Variants in GSTCD observed in about 807,000 individuals in gnomAD.
GSTCD encodes glutathione S-transferase C-terminal domain-containing protein.
Under a neutral mutation model 68.3 loss-of-function variants are expected in GSTCD, and 44 were observed. The ratio of observed to expected loss-of-function variants is 0.64; its 90% CI spans 0.51 to 0.83. The LOEUF is 0.83. Ranked by LOEUF, GSTCD falls within the 40% of genes least tolerant of loss-of-function variation. The pLI is 0.00. For missense variants in GSTCD, 739 were observed against 735.9 expected, an observed-to-expected ratio of 1.00 and a Z score of -0.05; for synonymous variants, 273 against 255.2, an observed-to-expected ratio of 1.07 and a Z score of -0.67.
intron 5 of GSTCD, among the ~76,000 whole-genome samples, chr4:105,801,961 CTT>C (rs954076733): frequency 6.6e-6 from 1 of 151,980 alleles, no homozygotes; most frequent in Admixed American, 6.6e-5. Flanking sequence ...AGCTGTGTGA[CTT>C]GGGCAAATTT....
At chr4:105,769,812 A>G (rs1466831811) in intron 5 of GSTCD, among the ~76,000 whole-genome samples, 2 of 152,086 alleles carry the variant, frequency 1.3e-5, no homozygotes, top group African/African-American at 2.4e-5. Context: ...CTGGAATGCA[A>G]TGGCACATTT....
chr4:105,770,380 TTTA>T (rs1734797755), intron 5 of GSTCD, among the ~76,000 whole-genome samples: 1 of 152,080 alleles, frequency 6.6e-6, no homozygotes, highest in African/African-American at 2.4e-5. Context: ...TCCTTTTTTT[TTTA>T]TTATTATACT....
intron 5 of GSTCD, among the ~76,000 whole-genome samples, chr4:105,774,483 T>A (rs1173497086): frequency 6.6e-6 from 1 of 152,240 alleles, no homozygotes; most frequent in Non-Finnish European, 1.5e-5. Context: ...TTGCAGTTGC[T>A]GGTACTGGTT....
chr4:105,719,646 T>C (rs1732800606), intron 3 of GSTCD, 119 bp downstream of exon 3: 2 of 696,374 alleles, frequency 2.9e-6, no homozygotes, highest in Non-Finnish European at 4.9e-6. Context: ...TATTAATATC[T>C]TTCTCCATTT....
intron 5 of GSTCD, among the ~76,000 whole-genome samples, chr4:105,756,929 T>C (rs1161339067): frequency 6.6e-6 from 1 of 152,214 alleles, no homozygotes; most frequent in Non-Finnish European, 1.5e-5. Context: ...TTCATAATTA[T>C]GTCACAGTCA....
intron 1 of GSTCD, among the ~76,000 whole-genome samples, chr4:105,714,847 G>A (rs954920351): frequency 5.9e-5 from 9 of 152,086 alleles, no homozygotes; most frequent in African/African-American, 2.2e-4. Context: ...CTAACAGTGA[G>A]AAGAGTTTAT....
At chr4:105,829,181 T>A in intron 8 of GSTCD, among the ~76,000 whole-genome samples, 1 of 138,966 alleles carries the variant, frequency 7.2e-6, no homozygotes. Context: ...ATACTACAGC[T>A]ATAATTAAAA....
chr4:105,762,199 G>A (rs1734436646), intron 5 of GSTCD, among the ~76,000 whole-genome samples: 1 of 152,118 alleles, frequency 6.6e-6, no homozygotes, highest in African/African-American at 2.4e-5. Flanking sequence ...CGTATGGTGG[G>A]CACCCTAACT....
chr4:105,738,218 TG>T (rs1357510354), intron 5 of GSTCD, among the ~76,000 whole-genome samples: 3 of 152,232 alleles, frequency 2.0e-5, no homozygotes, highest in Non-Finnish European at 4.4e-5. Flanking sequence ...GATTCATTTC[TG>T]GGTTCTCTTT....
intron 5 of GSTCD, among the ~76,000 whole-genome samples, chr4:105,803,662 T>A (rs1736191784): frequency 6.6e-6 from 1 of 151,694 alleles, no homozygotes; most frequent in Non-Finnish European, 1.5e-5. Context: ...AATGGACAAA[T>A]TATATCATAG....
chr4:105,758,408 G>A (rs1734275443), intron 5 of GSTCD, among the ~76,000 whole-genome samples: 1 of 152,194 alleles, frequency 6.6e-6, no homozygotes, highest in Non-Finnish European at 1.5e-5. Context: ...TCTTGGTGCT[G>A]TCTTCACACT....
At chr4:105,710,232 A>ATTTTTT (rs761574598) in intron 1 of GSTCD, among the ~76,000 whole-genome samples, 2,291 of 85,640 alleles carry the variant, frequency 0.027, 326 homozygotes, top group African/African-American at 0.068. Context: ...GGGCCCATCA[A>ATTTTTT]TTTTTTTTTT....
intron 5 of GSTCD, among the ~76,000 whole-genome samples, chr4:105,785,019 G>A (rs573634012): frequency 6.6e-6 from 1 of 152,172 alleles, no homozygotes; most frequent in South Asian, 2.1e-4. Flanking sequence ...ACTGCTTTTA[G>A]GCCTTCTCAG....
At chr4:105,711,773 C>T (rs1480070611) in intron 1 of GSTCD, among the ~76,000 whole-genome samples, 2 of 152,156 alleles carry the variant, frequency 1.3e-5, no homozygotes, top group African/African-American at 4.8e-5. Flanking sequence ...ACAGTCTCGG[C>T]TCTAATCTAT....
At chr4:105,824,327 G>A (rs1311071029) in intron 7 of GSTCD, among the ~76,000 whole-genome samples, 7 of 152,160 alleles carry the variant, frequency 4.6e-5, no homozygotes, top group Non-Finnish European at 7.3e-5. Flanking sequence ...TTGTGATTGA[G>A]TAGGAGGAAG....
intron 8 of GSTCD, among the ~76,000 whole-genome samples, chr4:105,828,956 G>A (rs1723781947): frequency 6.6e-6 from 1 of 152,096 alleles, no homozygotes; most frequent in Non-Finnish European, 1.5e-5. Context: ...GAGGCACCAA[G>A]TATAGAGATA....
intron 5 of GSTCD, among the ~76,000 whole-genome samples, chr4:105,776,865 G>A (rs1246927080): frequency 6.6e-6 from 1 of 152,120 alleles, no homozygotes; most frequent in Non-Finnish European, 1.5e-5. Flanking sequence ...CCAGGATAAG[G>A]AAATTGTGTT....
intron 5 of GSTCD, chr4:105,753,231 TTAAG>T (rs748291181): frequency 2.6e-5 from 4 of 152,032 alleles, no homozygotes; most frequent in Non-Finnish European, 4.4e-5. Context: ...AGAAACCACT[TTAAG>T]TAGAACAAAA....
intron 5 of GSTCD, among the ~76,000 whole-genome samples, chr4:105,807,722 G>T (rs760865905): frequency 6.6e-6 from 1 of 152,018 alleles, no homozygotes; most frequent in African/African-American, 2.4e-5. Flanking sequence ...GGAGCACATG[G>T]TATCAGTTTG....
Sources: gnomAD v4.1 joint callset for allele counts (sites outside exome capture counted in the v4.1 genomes callset) on GRCh38, gnomAD v4.1.1 for gene constraint, MANE v1.5 for transcripts, NCBI Gene and HGNC (gene_info 2026-07-23, HGNC 2026-07-21) for gene names.